The following KLHDC10 variants were observed in gnomAD, a reference collection of about 807,000 sequenced individuals.
KLHDC10 encodes the protein kelch domain containing 10.
In KLHDC10, 24 loss-of-function variants were observed where a neutral mutation model predicts 56.1. The ratio of observed to expected loss-of-function variants is 0.43; its 90% CI spans 0.31 to 0.60. The LOEUF (loss-of-function observed/expected upper bound fraction) is 0.60, where lower values mean the gene tolerates loss of function less well. Among genes scored for constraint, KLHDC10 ranks in the 20% least tolerant of loss-of-function variants. KLHDC10 has a pLI of 0.11. For synonymous variants in KLHDC10, 188 were observed against 207.1 expected (o/e 0.91, Z 0.79); for missense variants, 349 against 567.0 (o/e 0.62, Z 3.91).
At chr7:130,082,162 A>G (rs545628802) in intron 1 of KLHDC10, among the ~76,000 whole-genome samples, 6 of 152,266 alleles carry the variant, frequency 3.9e-5, no homozygotes, top group African/African-American at 1.4e-4. Context: ...AAAATAAACA[A>G]TATTAGCCAG....
chr7:130,083,592 T>A (rs1227167151), intron 1 of KLHDC10, among the ~76,000 whole-genome samples: 1 of 152,216 alleles, frequency 6.6e-6, no homozygotes, highest in Non-Finnish European at 1.5e-5. Flanking sequence ...CCATGTATAC[T>A]TTAATCTACA....
intron 1 of KLHDC10, among the ~76,000 whole-genome samples, chr7:130,077,777 G>A (rs1220221866): frequency 4.6e-5 from 7 of 151,526 alleles, no homozygotes; most frequent in East Asian, 1.9e-4. Context: ...GGATGGTCTC[G>A]ATCTCCTGAC....
At chr7:130,085,771 T>C (rs1308290023) in intron 1 of KLHDC10, among the ~76,000 whole-genome samples, 1 of 146,532 alleles carries the variant, frequency 6.8e-6, no homozygotes, top group Non-Finnish European at 1.5e-5. Context: ...GAGGTGGAGG[T>C]TGCAGTGAGC....
Position 130,120,198 on chromosome 7 carries a change from A to G in KLHDC10, c.476-551A>G, listed in dbSNP as rs550831603. Among the ~76,000 whole-genome samples the G allele has an allele frequency of 2.6e-4, 39 of 152,332 alleles. No individual in the cohort carries two copies. The highest frequency in any genetic ancestry group is 4.9e-4 in the Non-Finnish European group (33 of 68,034). ...ACTTCATTTTTCTCTGCTTTGCTGC[A>G]TGCTTGAACTGTCTTCAGCAGCAGT... On this transcript the variant is annotated intron_variant, in intron 3 of 9. Transcript: ENST00000335420. This position sits in a 1 kb window ranked among gnomAD's most constrained non-coding sequence, Gnocchi z 5.1.
intron 1 of KLHDC10, among the ~76,000 whole-genome samples, chr7:130,088,922 C>T (rs1028710592): frequency 2.6e-5 from 4 of 152,088 alleles, no homozygotes; most frequent in African/African-American, 7.2e-5. Context: ...CCTGAGCCAT[C>T]GCCCCTGGCC....
At chr7:130,089,801 T>C (rs1475194116) in intron 1 of KLHDC10, among the ~76,000 whole-genome samples, 2 of 152,162 alleles carry the variant, frequency 1.3e-5, no homozygotes, top group Non-Finnish European at 2.9e-5. Flanking sequence ...GATCCTGAAT[T>C]GTATATAGGA....
intron 1 of KLHDC10, among the ~76,000 whole-genome samples, chr7:130,083,382 C>T (rs191846793): frequency 1.8e-4 from 27 of 152,224 alleles, no homozygotes; most frequent in African/African-American, 4.8e-4. Context: ...CTTTACCCTC[C>T]GCATTTATGT....
chr7:130,092,410 A>G (rs1308932157), intron 1 of KLHDC10, among the ~76,000 whole-genome samples: 1 of 152,166 alleles, frequency 6.6e-6, no homozygotes, highest in African/African-American at 2.4e-5. Flanking sequence ...CCTTAGTTTT[A>G]TGCTCAATCA....
At chr7:130,110,095 G>A (rs1170000541) in intron 2 of KLHDC10, among the ~76,000 whole-genome samples, 1 of 152,114 alleles carries the variant, frequency 6.6e-6, no homozygotes, top group Non-Finnish European at 1.5e-5. Context: ...ATTGTAAAAC[G>A]TCCCTTTGTT....
At chr7:130,075,324 CAGTT>C (rs1177389657) in intron 1 of KLHDC10, among the ~76,000 whole-genome samples, 4 of 152,134 alleles carry the variant, frequency 2.6e-5, no homozygotes, top group African/African-American at 4.8e-5. Flanking sequence ...AAAAATGTAA[CAGTT>C]GGTAAAGCTG....
chr7:130,078,840 ATTTC>A, intron 1 of KLHDC10, among the ~76,000 whole-genome samples: 1 of 152,122 alleles, frequency 6.6e-6, no homozygotes, highest in Admixed American at 6.5e-5. Flanking sequence ...TTTGATACTT[ATTTC>A]TTTATTTTGT....
chr7:130,071,631 C>G (rs1795412381), intron 1 of KLHDC10, among the ~76,000 whole-genome samples: 1 of 152,032 alleles, frequency 6.6e-6, no homozygotes, highest in African/African-American at 2.4e-5. Context: ...AATATTCAAT[C>G]TAGTAGAAGG....
At chr7:130,083,745 C>G (rs1218443107) in intron 1 of KLHDC10, among the ~76,000 whole-genome samples, 1 of 152,160 alleles carries the variant, frequency 6.6e-6, no homozygotes, top group Non-Finnish European at 1.5e-5. Context: ...GAGACTCCAT[C>G]TCAAAAACAA....
intron 1 of KLHDC10, among the ~76,000 whole-genome samples, chr7:130,079,552 G>C (rs866542593): frequency 1.3e-5 from 2 of 151,850 alleles, no homozygotes; most frequent in South Asian, 4.1e-4. Flanking sequence ...ACTTTGTCGT[G>C]GTGTATTAGT....
At chr7:130,080,279 G>C (rs1267414308) in intron 1 of KLHDC10, among the ~76,000 whole-genome samples, 1 of 152,022 alleles carries the variant, frequency 6.6e-6, no homozygotes, top group African/African-American at 2.4e-5. Context: ...CCCCTCTGTG[G>C]TTAAATGGCA....
In KLHDC10 at chr7:130,088,230, A is replaced by G. The variant is rs1795718329; in HGVS notation, c.167-8691A>G. ...AAGGCATTGCATTTGCCAAGAGAAA[A>G]TGACCTGAGAGAAGGGAAAGTGAGT... On this transcript the variant is annotated intron_variant, in intron 1 of 9. Transcript: ENST00000335420. 2.6e-5 allele frequency among the ~76,000 whole-genome samples: 4 copies of G among 152,034 alleles called. No homozygotes were observed. The South Asian group carries it at 8.3e-4, about 31-fold the overall frequency.
In KLHDC10 at chr7:130,134,390, A is replaced by C. The variant is rs1796440363; in HGVS notation, c.*3644A>C. On this transcript the variant is annotated 3_prime_UTR_variant, in exon 10 of 10. Coordinates refer to ENST00000335420, the MANE Select transcript of KLHDC10 (RefSeq NM_014997.4). The stretch of plus-strand genomic sequence containing the variant: ...CTCTTCAGCGTCATCTCCTGCCCTG[A>C]GCTCCAGGCCATCTCTCTAACCACC... The C allele has an allele frequency of 6.6e-6, 1 of 152,204 alleles. No homozygotes were observed. Among genetic ancestry groups the C allele is most frequent in the Non-Finnish European group, 1.5e-5 (1 of 68,052 alleles). 9.4% of individuals were successfully genotyped at this position (152,204 alleles called of 1,614,324 possible).
Position 130,126,633 on chromosome 7 carries a change from G to A in KLHDC10, c.931+702G>A, listed in dbSNP as rs141741880. 2.4e-4 allele frequency among the ~76,000 whole-genome samples: 37 copies of A among 151,700 alleles called. No homozygotes were observed. In the East Asian group the frequency reaches 7.2e-3, roughly 30 times the overall value. ...AGAGATTGCAGTGAGCCAAGATCAC[G>A]CCACGGCACTCCAACCTGGGAGACA... is the stretch of plus-strand genomic sequence containing the variant. On this transcript the variant is annotated intron_variant, in intron 7 of 9. Coordinates refer to ENST00000335420, the MANE Select transcript of KLHDC10 (RefSeq NM_014997.4).
rs115855219 is a variant in KLHDC10, at chr7:130,083,354, A to G, written c.166+12545A>G. On this transcript the variant is annotated intron_variant, in intron 1 of 9. Coordinates refer to ENST00000335420, the MANE Select transcript of KLHDC10 (RefSeq NM_014997.4). ...GATTCTTCCTCCTTACCCTCACTCT[A>G]TTTGTCCCTTTCTACCTCTTTACCC... is the stretch of plus-strand genomic sequence containing the variant. Among the ~76,000 whole-genome samples, 1,118 of 151,916 alleles carry G rather than the reference A, an allele frequency of 7.4e-3. 18 individuals are homozygous for G. Among genetic ancestry groups the G allele is most frequent in the African/African-American group, 0.026 (1,061 of 41,400 alleles).
Sources: allele counts gnomAD v4.1 joint callset (sites outside exome capture counted in the v4.1 genomes callset), GRCh38; gene constraint gnomAD v4.1.1; non-coding constraint Gnocchi (gnomAD v3.1); transcripts MANE v1.5; gene names NCBI Gene and HGNC (gene_info 2026-07-23, HGNC 2026-07-21).